STARD13: variants seen among roughly 807,000 people sequenced by gnomAD.
STARD13 encodes stAR-related lipid transfer protein 13.
In STARD13, 62 loss-of-function variants were observed where a neutral mutation model predicts 106.4. The observed-to-expected ratio is 0.58, with a 90% CI of 0.48 to 0.72. The LOEUF (loss-of-function observed/expected upper bound fraction) is 0.72, where lower values mean the gene tolerates loss of function less well. Ranked by LOEUF, STARD13 falls within the 30% of genes least tolerant of loss-of-function variation. The pLI is 0.00. For missense variants in STARD13, 1,387 were observed against 1,424.0 expected, an observed-to-expected ratio of 0.97 and a Z score of 0.42; for synonymous variants, 565 against 553.0, an observed-to-expected ratio of 1.02 and a Z score of -0.31.
chr13:33,576,042 G>A, the STARD13 span, among the ~76,000 whole-genome samples: 1 of 152,080 alleles, frequency 6.6e-6, no homozygotes, highest in East Asian at 1.9e-4. Context: ...AATGTATTTT[G>A]ATTTTACTAC....
chr13:33,313,149 A>G (rs2321165), intron 1 of STARD13, among the ~76,000 whole-genome samples: 8,355 of 152,320 alleles, frequency 0.055, 319 homozygotes, highest in Middle Eastern at 0.13. Flanking sequence ...AAAAGTAAAC[A>G]TTATTTAAAG....
chr13:33,385,218 A>AATATATATAT, the STARD13 span, among the ~76,000 whole-genome samples: 383 of 33,528 alleles, frequency 0.011, 19 homozygotes, highest in Non-Finnish European at 0.018. Context: ...AAAGGTTCGG[A>AATATATATAT]ATATATATAT....
chr13:33,464,037 A>ATGTATATGTATATGTATATG, the STARD13 span, among the ~76,000 whole-genome samples: 6 of 141,026 alleles, frequency 4.3e-5, no homozygotes, highest in African/African-American at 1.5e-4. Context: ...ATATATATAT[A>ATGTATATGTATATGTATATG]TATATGTATA....
the STARD13 span, among the ~76,000 whole-genome samples, chr13:33,655,208 GGA>G: frequency 6.6e-6 from 1 of 152,334 alleles, no homozygotes; most frequent in Admixed American, 6.5e-5. Flanking sequence ...ACTCTTTAGT[GGA>G]TGGGCATAAA....
chr13:33,120,640 A>G (rs988253077), intron 7 of STARD13, among the ~76,000 whole-genome samples: 1 of 152,232 alleles, frequency 6.6e-6, no homozygotes, highest in Admixed American at 6.5e-5. Flanking sequence ...TAAACCTAAT[A>G]AAGAAAAGGT....
the STARD13 span, among the ~76,000 whole-genome samples, chr13:33,438,619 A>G: frequency 2.0e-5 from 3 of 152,200 alleles, no homozygotes; most frequent in African/African-American, 4.8e-5. Flanking sequence ...CACACTCACT[A>G]AAGACATTTT....
chr13:33,436,888 A>G, the STARD13 span, among the ~76,000 whole-genome samples: 1 of 152,140 alleles, frequency 6.6e-6, no homozygotes, highest in African/African-American at 2.4e-5. Flanking sequence ...GGAACACAAG[A>G]AAAAAATCAC....
At chr13:33,556,059 G>A in the STARD13 span, among the ~76,000 whole-genome samples, 1 of 152,150 alleles carries the variant, frequency 6.6e-6, no homozygotes, top group Non-Finnish European at 1.5e-5. Flanking sequence ...ACACACAAAA[G>A]TTAATGCTGT....
At chr13:33,294,952 C>G (rs1892430642) in intron 1 of STARD13, among the ~76,000 whole-genome samples, 1 of 152,112 alleles carries the variant, frequency 6.6e-6, no homozygotes, top group African/African-American at 2.4e-5. Flanking sequence ...AGAGGCACAC[C>G]ATTATTACGA....
chr13:33,358,852 T>C, the STARD13 span, among the ~76,000 whole-genome samples: 1 of 152,300 alleles, frequency 6.6e-6, no homozygotes, highest in Admixed American at 6.5e-5. Context: ...CAGCACCCTA[T>C]GTTTAGCTCA....
At chr13:33,271,715 G>C (rs1213390749) in intron 1 of STARD13, 1 of 152,028 alleles carries the variant, frequency 6.6e-6, no homozygotes, top group Non-Finnish European at 1.5e-5. Flanking sequence ...GTATAGGATG[G>C]GCACACGGCT....
chr13:33,243,034 A>G (rs1312423886), intron 1 of STARD13, among the ~76,000 whole-genome samples: 3 of 151,604 alleles, frequency 2.0e-5, no homozygotes, highest in African/African-American at 7.3e-5. Flanking sequence ...CTCCATCACA[A>G]CTCTCCTTCC....
chr13:33,532,434 G>A, the STARD13 span, among the ~76,000 whole-genome samples: 1 of 152,100 alleles, frequency 6.6e-6, no homozygotes, highest in Non-Finnish European at 1.5e-5. Flanking sequence ...ATCTTTTTAG[G>A]TGTATGGAGA....
At chr13:33,148,681 T>A (rs974454749) in intron 3 of STARD13, among the ~76,000 whole-genome samples, 2 of 152,224 alleles carry the variant, frequency 1.3e-5, no homozygotes, top group Admixed American at 6.5e-5. Flanking sequence ...TACTGCCAAA[T>A]ACACTTTTAT....
At chr13:33,111,382 A>T (rs1212211254) in intron 10 of STARD13, among the ~76,000 whole-genome samples, 4 of 152,212 alleles carry the variant, frequency 2.6e-5, no homozygotes, top group African/African-American at 4.8e-5. Flanking sequence ...CTTCTTTTAC[A>T]TATCTGTGGC....
At chr13:33,184,036 T>C (rs945165834) in intron 1 of STARD13, among the ~76,000 whole-genome samples, 1 of 152,238 alleles carries the variant, frequency 6.6e-6, no homozygotes, top group African/African-American at 2.4e-5. Flanking sequence ...GATGAGTTTT[T>C]TGGGGCACTG....
At chr13:33,499,611 TTCTTCTTC>T in the STARD13 span, among the ~76,000 whole-genome samples, 1 of 76,932 alleles carries the variant, frequency 1.3e-5, no homozygotes, top group African/African-American at 5.9e-5. Context: ...TTCTTTCTTC[TTCTTCTTC>T]TTCTTCTTCT....
chr13:33,564,758 C>G, the STARD13 span, among the ~76,000 whole-genome samples: 2 of 143,236 alleles, frequency 1.4e-5, 1 homozygote, highest in Non-Finnish European at 3.0e-5. Context: ...CTTTGGGAGG[C>G]TGAGGTGGGC....
intron 1 of STARD13, among the ~76,000 whole-genome samples, chr13:33,256,490 CA>C (rs1217030778): frequency 2.0e-5 from 3 of 152,224 alleles, no homozygotes; most frequent in Non-Finnish European, 4.4e-5. Context: ...GACAGTTCAG[CA>C]GCTAGCAAAC....
Sources: allele counts gnomAD v4.1 joint callset (sites outside exome capture counted in the v4.1 genomes callset), GRCh38; gene constraint gnomAD v4.1.1; transcripts MANE v1.5; gene names NCBI Gene and HGNC (gene_info 2026-07-23, HGNC 2026-07-21).